Variants in TRHDE observed in about 807,000 individuals in gnomAD.
TRHDE encodes thyrotropin-releasing hormone-degrading ectoenzyme.
TRHDE carries 72 observed loss-of-function variants against 125.7 expected under a neutral mutation model. That is an observed-to-expected ratio of 0.57 (90% CI 0.47 to 0.70). The LOEUF (loss-of-function observed/expected upper bound fraction) is 0.70. Among genes scored for constraint, TRHDE ranks in the 30% least tolerant of loss-of-function variants. TRHDE has a pLI of 0.00. For missense variants in TRHDE, 1,110 were observed against 1,327.1 expected (o/e 0.84, Z 2.54); for synonymous variants, 509 against 509.1 (o/e 1.00, Z 0.00).
chr12:72,424,611 C>T (rs114308471), intron 3 of TRHDE, among the ~76,000 whole-genome samples: 2,468 of 152,194 alleles, frequency 0.016, 72 homozygotes, highest in African/African-American at 0.056. Context: ...AACATGTGGA[C>T]CAACTCAAAT....
chr12:72,351,122 C>G (rs1013069026), intron 2 of TRHDE, among the ~76,000 whole-genome samples: 1 of 151,960 alleles, frequency 6.6e-6, no homozygotes, highest in African/African-American at 2.4e-5. Flanking sequence ...AGACAAAATA[C>G]TTCACAAACT....
chr12:72,117,338 T>A (rs1261128254), intron 2 of TRHDE, among the ~76,000 whole-genome samples: 1 of 152,164 alleles, frequency 6.6e-6, no homozygotes, highest in Non-Finnish European at 1.5e-5. Flanking sequence ...GAGGCTGCCC[T>A]TTCTCTGATG....
chr12:72,607,504 G>T (rs1872494759), intron 12 of TRHDE, among the ~76,000 whole-genome samples: 1 of 130,838 alleles, frequency 7.6e-6, no homozygotes, highest in Non-Finnish European at 1.5e-5. Flanking sequence ...TTGGCAACCA[G>T]TGATACAGTT....
intron 2 of TRHDE, among the ~76,000 whole-genome samples, chr12:72,352,233 G>C (rs988046655): frequency 6.7e-6 from 1 of 149,396 alleles, no homozygotes; most frequent in African/African-American, 2.5e-5. Context: ...AATTTGTTGG[G>C]AGAGAAAAAA....
chr12:72,533,484 C>T lies in TRHDE; in HGVS notation c.1723-8807C>T, dbSNP rs1017658336. 3.9e-5 allele frequency among the ~76,000 whole-genome samples: 6 copies of T among 152,066 alleles called. 1 individual carries two copies. Among genetic ancestry groups the T allele is most frequent in the Admixed American group, 3.9e-4 (6 of 15,250 alleles). On this transcript the variant is annotated intron_variant, in intron 6 of 18. Coordinates refer to ENST00000261180, the MANE Select transcript of TRHDE (RefSeq NM_013381.3). ...CACCATGCCCAGCTGAAAATTATTT[C>T]TTCTAATCTGAGTTTTCATATTTAT...
intron 2 of TRHDE, among the ~76,000 whole-genome samples, chr12:72,111,382 G>A (rs1349384839): frequency 5.3e-5 from 8 of 152,042 alleles, no homozygotes; most frequent in Admixed American, 3.9e-4. Flanking sequence ...TATTTAACAA[G>A]CAAACATACA....
chr12:72,587,762 T>C (rs1320546891), intron 12 of TRHDE, among the ~76,000 whole-genome samples: 1 of 152,168 alleles, frequency 6.6e-6, no homozygotes, highest in East Asian at 1.9e-4. Flanking sequence ...ACATGTAACA[T>C]AAGTTACAAG....
intron 2 of TRHDE, among the ~76,000 whole-genome samples, chr12:72,345,804 C>T (rs1268660785): frequency 6.6e-6 from 1 of 151,972 alleles, no homozygotes; most frequent in East Asian, 1.9e-4. Context: ...TTCTTCAAAG[C>T]CCAGGGCCAG....
chr12:72,415,935 T>A (rs1237055549), intron 3 of TRHDE, among the ~76,000 whole-genome samples: 1 of 152,062 alleles, frequency 6.6e-6, no homozygotes, highest in African/African-American at 2.4e-5. Context: ...GTGGCTCTAT[T>A]TTTGTTTTTT....
chr12:72,619,062 C>G lies in TRHDE; in HGVS notation c.2469+24C>G, dbSNP rs377560355. ...ATGTAAAAAGATATAATTTTTCTTT[C>G]TAATTTTTAGAAGATACACTATTTT... On this transcript the variant is annotated intron_variant, in intron 13 of 18. Coordinates refer to ENST00000261180, the MANE Select transcript of TRHDE (RefSeq NM_013381.3). 3.1e-5 allele frequency: 46 copies of G among 1,495,596 alleles called. No individual in the cohort carries two copies. The South Asian group carries it at 3.2e-4, about 10-fold the overall frequency. The allele number at this position is 1,495,596 out of a possible 1,614,324, so 92.6% of individuals were successfully genotyped here.
At chr12:72,164,167 T>G (rs1217606718) in intron 2 of TRHDE, among the ~76,000 whole-genome samples, 1 of 152,100 alleles carries the variant, frequency 6.6e-6, no homozygotes, top group East Asian at 1.9e-4. Flanking sequence ...ATAAATGCAT[T>G]GATGAGGGTA....
chr12:72,249,352 C>G (rs1878635340), intron 2 of TRHDE, among the ~76,000 whole-genome samples: 2 of 151,866 alleles, frequency 1.3e-5, no homozygotes, highest in Admixed American at 1.3e-4. Context: ...AGAAACAACC[C>G]AATTAAAAAT....
intron 3 of TRHDE, among the ~76,000 whole-genome samples, chr12:72,460,947 T>G (rs1876100491): frequency 6.6e-6 from 1 of 152,128 alleles, no homozygotes; most frequent in Admixed American, 6.6e-5. Context: ...AAGCAACACA[T>G]GTAAAGTGTT....
chr12:72,299,870 G>A (rs1317452534), intron 2 of TRHDE, among the ~76,000 whole-genome samples: 3 of 152,096 alleles, frequency 2.0e-5, no homozygotes, highest in Non-Finnish European at 4.4e-5. Context: ...TGGGATGCTA[G>A]ATGTTAAAAA....
At chr12:72,277,822 A>G (rs966987573) in intron 1 of TRHDE, among the ~76,000 whole-genome samples, 23 of 152,122 alleles carry the variant, frequency 1.5e-4, no homozygotes, top group Admixed American at 3.3e-4. Context: ...AGTTTTTTCA[A>G]ATTAATTGAC....
At chr12:72,216,622 G>A (rs1398292032) in intron 2 of TRHDE, among the ~76,000 whole-genome samples, 1 of 152,112 alleles carries the variant, frequency 6.6e-6, no homozygotes, top group Non-Finnish European at 1.5e-5. Context: ...TGCCTTTTAA[G>A]GGAAAACACA....
chr12:72,547,792 A>G lies in TRHDE; in HGVS notation c.1788+5436A>G, dbSNP rs149277929. Among the ~76,000 whole-genome samples the G allele has an allele frequency of 5.9e-3, 902 of 151,998 alleles. 5 individuals are homozygous for G. The highest frequency in any genetic ancestry group is 9.6e-3 in the Non-Finnish European group (654 of 67,856). On this transcript the variant is annotated intron_variant, in intron 7 of 18. Transcript: ENST00000261180. Reference sequence around the variant, plus strand: ...GACTAAGAAAACATCTGCATAATACATGACCTATTGCAACTTAAGCAGAGT... The same window carrying G: ...GACTAAGAAAACATCTGCATAATACGTGACCTATTGCAACTTAAGCAGAGT...
chr12:72,299,861 G>A (rs749036172), intron 2 of TRHDE, among the ~76,000 whole-genome samples: 38 of 152,088 alleles, frequency 2.5e-4, no homozygotes, highest in Non-Finnish European at 5.1e-4. Flanking sequence ...TAACTTCAGT[G>A]GGATGCTAGA....
chr12:72,575,890 C>A (rs912486171), intron 12 of TRHDE, among the ~76,000 whole-genome samples: 1 of 152,044 alleles, frequency 6.6e-6, no homozygotes, highest in African/African-American at 2.4e-5. Context: ...GGCAATTTTT[C>A]CCTGATGTAT....
Sources: allele counts gnomAD v4.1 joint callset (sites outside exome capture counted in the v4.1 genomes callset), GRCh38; gene constraint gnomAD v4.1.1; transcripts MANE v1.5; gene names NCBI Gene and HGNC (gene_info 2026-07-23, HGNC 2026-07-21).